Variants in IRAG1 observed in about 807,000 individuals in gnomAD.
IRAG1 encodes IP3R-associated cGMP kinase substrate.
In IRAG1, 62 loss-of-function variants were observed where a neutral mutation model predicts 106.2. The ratio of observed to expected loss-of-function variants is 0.58; its 90% CI spans 0.48 to 0.72. The LOEUF is 0.72. IRAG1 is among the 30% of genes least tolerant of loss of function. The pLI, the probability that IRAG1 is intolerant of heterozygous loss-of-function variation, is 0.00. For missense variants in IRAG1, 1,064 were observed against 1,140.7 expected (o/e 0.93, Z 0.97); for synonymous variants, 462 against 443.9 (o/e 1.04, Z -0.51).
chr11:10,593,329 G>T, intron 17 of IRAG1, 163 bp downstream of exon 17: 1 of 560,634 alleles, frequency 1.8e-6, no homozygotes, highest in South Asian at 2.1e-5. Flanking sequence ...ATGCAGCCTG[G>T]TGTATATTGA....
chr11:10,678,988 CCCCTTCCCTTTCTCAGGAAGAAACTAT>C (rs1436405531), intron 1 of IRAG1, among the ~76,000 whole-genome samples: 2 of 152,160 alleles, frequency 1.3e-5, no homozygotes, highest in African/African-American at 4.8e-5. Flanking sequence ...CCAAGAGCTT[CCCCTTCCCTTTCTCAGGAAGAAACTAT>C]CCCTTGGACC....
intron 3 of IRAG1, among the ~76,000 whole-genome samples, chr11:10,633,292 G>A (rs189636250): frequency 6.6e-5 from 10 of 152,112 alleles, no homozygotes; most frequent in Admixed American, 1.3e-4. Flanking sequence ...AGCCAGGATG[G>A]TCTCGATCTC....
intron 1 of IRAG1, among the ~76,000 whole-genome samples, chr11:10,677,273 C>T (rs1396393923): frequency 1.3e-5 from 2 of 152,224 alleles, no homozygotes; most frequent in Admixed American, 6.5e-5. Context: ...TCTGAGAAGT[C>T]TTCATGGATG....
Position 10,626,128 on chromosome 11 carries a change from A to T in IRAG1, c.1206T>A (p.Pro402=). ...GLSWDSGPEE[P]GPRLQKVLAK... is the part of the protein sequence containing the mutation. ...CAAGCACTTTCTGCAGCCGGGGGCC[A>T]GGTTCTTCAGGGCCACTGTCCCAGG... is the stretch of plus-strand genomic sequence containing the variant. The change falls in exon 9 of 21, where the codon CCT becomes CCA. Residue 402 remains proline (P), a synonymous_variant. Coordinates refer to ENST00000423302, the MANE Select transcript of IRAG1 (RefSeq NM_130385.4). The T allele has an allele frequency of 1.3e-6, 2 of 1,539,606 alleles. No homozygotes were observed. The highest frequency in any genetic ancestry group is 1.8e-6 in the Non-Finnish European group (2 of 1,142,534).
chr11:10,626,096 A>G lies in IRAG1; in HGVS notation c.1238T>C (p.Leu413Pro). The G allele has an allele frequency of 6.5e-7, 1 of 1,545,244 alleles. No homozygotes were observed. Residue 413 changes from leucine (L) to proline (P), a missense_variant, in exon 9 of 21, where the codon CTG becomes CCG. By Grantham distance (98) the Leu-to-Pro change is moderately conservative. Coordinates refer to ENST00000423302, the MANE Select transcript of IRAG1 (RefSeq NM_130385.4). ...GPRLQKVLAKLPLAEEEKRFA... is the reference protein window; with the variant it reads ...GPRLQKVLAKPPLAEEEKRFA... ...ACGCTTTTCTTCCTCTGCCAGTGGC[A>G]GCTTGGCAAGCACTTTCTGCAGCCG...
chr11:10,620,784 T>C (rs1268255068), intron 10 of IRAG1, among the ~76,000 whole-genome samples: 5 of 152,234 alleles, frequency 3.3e-5, no homozygotes, highest in Non-Finnish European at 5.9e-5. Flanking sequence ...CTCTTTAACC[T>C]TGTGATTCTC....
rs1861975046 is a variant in IRAG1, at chr11:10,690,475, C to T, written c.67+3061G>A. On this transcript the variant is annotated intron_variant, in intron 1 of 20. Transcript: ENST00000423302. ...GGCAGGGCTTGTCCAGGGTCATGGGCGTGAGTTACCTCTGCTAAGACTCTG... is the reference window on the plus strand; with the variant it reads ...GGCAGGGCTTGTCCAGGGTCATGGGTGTGAGTTACCTCTGCTAAGACTCTG... 42 of 1,241,458 alleles carry T rather than the reference C, an allele frequency of 3.4e-5. No individual in the cohort carries two copies. The South Asian group carries it at 4.2e-4, about 12-fold the overall frequency. The allele number at this position is 1,241,458 out of a possible 1,614,324, so 76.9% of individuals were successfully genotyped here.
intron 15 of IRAG1, among the ~76,000 whole-genome samples, chr11:10,598,953 C>A (rs894846512): frequency 1.3e-5 from 2 of 152,184 alleles, no homozygotes; most frequent in Non-Finnish European, 2.9e-5. Flanking sequence ...AAGACACAAA[C>A]ACTATTAGGG....
Position 10,593,479 on chromosome 11 carries a change from T to G in IRAG1, c.2175+13A>C. ...ACTATTCTGTGCTGGGAGGCAGACA[T>G]CGTCATACTTACCAAGGCTGGTAAG... is the stretch of plus-strand genomic sequence containing the variant. On this transcript the variant is annotated intron_variant, in intron 17 of 20. Coordinates refer to ENST00000423302, the MANE Select transcript of IRAG1 (RefSeq NM_130385.4). 1 of 1,605,794 alleles carries G rather than the reference T, an allele frequency of 6.2e-7. No homozygotes were observed. Among genetic ancestry groups the G allele is most frequent in the Non-Finnish European group, 8.5e-7 (1 of 1,172,632 alleles).
At chr11:10,621,621 A>G (rs1467608892) in intron 10 of IRAG1, among the ~76,000 whole-genome samples, 1 of 152,186 alleles carries the variant, frequency 6.6e-6, no homozygotes, top group Non-Finnish European at 1.5e-5. Flanking sequence ...AGATGGCCAA[A>G]CCATGAGATT....
chr11:10,587,137 A>T (rs996159601), intron 18 of IRAG1, among the ~76,000 whole-genome samples: 2 of 152,352 alleles, frequency 1.3e-5, no homozygotes, highest in Middle Eastern at 6.8e-3. Context: ...GGGATGATTC[A>T]TGAAAATGAG....
intron 10 of IRAG1, among the ~76,000 whole-genome samples, chr11:10,613,261 CAAAAA>C (rs34065353): frequency 7.5e-6 from 1 of 132,966 alleles, no homozygotes. Flanking sequence ...ATGCTTCATA[CAAAAA>C]AAAAAAAAAA....
chr11:10,620,905 T>G lies in IRAG1; in HGVS notation c.1447+2873A>C, dbSNP rs1360774222. Among the ~76,000 whole-genome samples, 9 of 152,300 alleles carry G rather than the reference T, an allele frequency of 5.9e-5. No individual in the cohort carries two copies. In the East Asian group the frequency reaches 1.3e-3, roughly 23 times the overall value. ...TAATCCTAGTTCAAAGAACAATAGA[T>G]AGGTCAATACAAGAGGAACTATGCA... On this transcript the variant is annotated intron_variant, in intron 10 of 20. Coordinates refer to ENST00000423302, the MANE Select transcript of IRAG1 (RefSeq NM_130385.4).
intron 20 of IRAG1, among the ~76,000 whole-genome samples, chr11:10,577,767 C>T (rs1036528569): frequency 1.2e-4 from 18 of 152,158 alleles, no homozygotes; most frequent in Admixed American, 1.1e-3. Context: ...AGAATGCCTG[C>T]CTTGGATGCT....
chr11:10,682,352 A>T (rs1351758543), intron 1 of IRAG1, among the ~76,000 whole-genome samples: 4 of 152,244 alleles, frequency 2.6e-5, no homozygotes, highest in African/African-American at 9.6e-5. Context: ...TCATGTGCCT[A>T]AGCAACTTTT....
rs1387982378 is a variant in IRAG1 at position 10,626,688 on chromosome 11, G to A, written c.751-105C>T. 3 of 1,332,942 alleles carry A rather than the reference G, an allele frequency of 2.3e-6. No individual in the cohort carries two copies. In the African/African-American group the frequency reaches 4.4e-5, roughly 20 times the overall value. 82.6% of individuals were successfully genotyped at this position (1,332,942 alleles called of 1,614,324 possible). On this transcript the variant is annotated intron_variant, in intron 8 of 20. Coordinates refer to ENST00000423302, the MANE Select transcript of IRAG1 (RefSeq NM_130385.4). The stretch of plus-strand genomic sequence containing the variant: ...TCTGCCCCCACACACCTTGCCAAGG[G>A]GCCCATTTGTATAAGTGTGTATGGG...
chr11:10,678,088 ATTCGTGTTGT>A (rs1860849322), intron 1 of IRAG1, among the ~76,000 whole-genome samples: 1 of 152,178 alleles, frequency 6.6e-6, no homozygotes, highest in Non-Finnish European at 1.5e-5. Flanking sequence ...GGTGATAGAC[ATTCGTGTTGT>A]TTCCTCCTTT....
rs1276993155 is a variant in IRAG1, at chr11:10,603,250, G to A, written c.1745C>T (p.Ser582Phe). ...ELENFKASITSSASLWHHCEH... is the reference protein window; with the variant it reads ...ELENFKASITFSASLWHHCEH... ...ACAGTGGTGCCAGAGTGAAGCTGAG[G>A]ACTGAACAGGAGTAGGAGCATCACC... The change falls in exon 14 of 21, where the codon TCC becomes TTC. Residue 582 changes from serine (S) to phenylalanine (F), a missense_variant and splice_region_variant. Transcript: ENST00000423302. The A allele has an allele frequency of 6.2e-7, 1 of 1,613,496 alleles. No individual in the cohort carries two copies. The highest frequency in any genetic ancestry group is 1.3e-5 in the African/African-American group (1 of 75,000).
At chr11:10,674,945 A>G (rs1363334846) in intron 1 of IRAG1, among the ~76,000 whole-genome samples, 3 of 152,230 alleles carry the variant, frequency 2.0e-5, no homozygotes, top group Non-Finnish European at 4.4e-5. Context: ...CCCTCATATG[A>G]AGGATTCTCT....
Sources: allele counts gnomAD v4.1 joint callset (sites outside exome capture counted in the v4.1 genomes callset), GRCh38; gene constraint gnomAD v4.1.1; transcripts MANE v1.5; gene names NCBI Gene and HGNC (gene_info 2026-07-23, HGNC 2026-07-21).